Variants in IQCM observed in about 807,000 individuals in gnomAD.
IQCM encodes IQ domain-containing protein M.
IQCM carries 45 observed loss-of-function variants against 57.6 expected under a neutral mutation model. The observed-to-expected ratio is 0.78, with a 90% CI of 0.62 to 1.00. The LOEUF (loss-of-function observed/expected upper bound fraction) is 1.00. Among genes scored for constraint, IQCM ranks in the 50% least tolerant of loss-of-function variants. The pLI, the probability that IQCM is intolerant of heterozygous loss-of-function variation, is 0.00. For missense variants in IQCM, 468 were observed against 511.6 expected (o/e 0.91, Z 0.82); for synonymous variants, 148 against 158.9 (o/e 0.93, Z 0.51).
chr4:149,450,242 A>C (rs1258943465), intron 12 of IQCM, among the ~76,000 whole-genome samples: 1 of 151,888 alleles, frequency 6.6e-6, no homozygotes, highest in East Asian at 1.9e-4. Flanking sequence ...CTAAGACCTC[A>C]AACTGTGAAA....
At chr4:149,546,229 T>C (rs1476560198) in intron 12 of IQCM, among the ~76,000 whole-genome samples, 1 of 152,230 alleles carries the variant, frequency 6.6e-6, no homozygotes, top group Non-Finnish European at 1.5e-5. Context: ...GATGGACACT[T>C]GGGTTGCTTC....
At chr4:149,466,300 A>G (rs548198259) in intron 12 of IQCM, among the ~76,000 whole-genome samples, 15 of 152,300 alleles carry the variant, frequency 9.8e-5, no homozygotes, top group South Asian at 2.1e-4. Flanking sequence ...TTGGATCATA[A>G]TTGAGGTCTA....
At chr4:149,682,613 TG>T (rs1762260875) in intron 6 of IQCM, among the ~76,000 whole-genome samples, 1 of 150,674 alleles carries the variant, frequency 6.6e-6, no homozygotes, top group Admixed American at 6.6e-5. Context: ...CTTTGGAAAA[TG>T]TGAGTAAGAA....
chr4:149,557,010 T>C (rs1445335222), intron 10 of IQCM, among the ~76,000 whole-genome samples: 2 of 152,214 alleles, frequency 1.3e-5, no homozygotes, highest in Non-Finnish European at 2.9e-5. Context: ...AACTTTATCA[T>C]TAAATATAAA....
intron 12 of IQCM, among the ~76,000 whole-genome samples, chr4:149,527,990 T>G (rs1326812837): frequency 0.4 from 4 of 10 alleles, no homozygotes; most frequent in African/African-American, 0.4. Flanking sequence ...TGTTTTTTGT[T>G]TTTTTTTTTT....
chr4:149,477,895 A>T (rs1189423194), intron 12 of IQCM, among the ~76,000 whole-genome samples: 2 of 152,174 alleles, frequency 1.3e-5, no homozygotes, highest in South Asian at 4.1e-4. Context: ...GGTCTTGTAC[A>T]GGAAGGACTT....
At chr4:149,793,023 T>C (rs1008514711) in intron 2 of IQCM, among the ~76,000 whole-genome samples, 1 of 152,318 alleles carries the variant, frequency 6.6e-6, no homozygotes, top group Non-Finnish European at 1.5e-5. Context: ...CCTGTGACTT[T>C]GGAAAATTAA....
rs188488473 is a variant in IQCM, at chr4:149,379,846, C to A, written c.1391-27780G>T. 3.9e-5 allele frequency among the ~76,000 whole-genome samples: 6 copies of A among 152,226 alleles called. No homozygotes were observed. The East Asian group carries it at 1.2e-3, about 29-fold the overall frequency. The stretch of plus-strand genomic sequence containing the variant: ...ATCATAGGGTTTGCCTGTGTCCTCA[C>A]CCAAATCTCATCTTGAATTGTAGCT... On this transcript the variant is annotated intron_variant, in intron 13 of 13. Transcript: ENST00000636793.
chr4:149,678,481 A>G (rs980744662), intron 7 of IQCM, among the ~76,000 whole-genome samples: 6 of 151,836 alleles, frequency 4.0e-5, no homozygotes, highest in Non-Finnish European at 8.8e-5. Context: ...CAGACAAGCA[A>G]AAGTGGAGGT....
intron 13 of IQCM, among the ~76,000 whole-genome samples, chr4:149,399,875 T>C (rs1324609410): frequency 6.6e-6 from 1 of 152,102 alleles, no homozygotes; most frequent in Non-Finnish European, 1.5e-5. Flanking sequence ...TAAATTCTAA[T>C]TGTTATCCTT....
chr4:149,412,930 G>A lies in IQCM; in HGVS notation c.1390+20466C>T, dbSNP rs528703433. On this transcript the variant is annotated intron_variant, in intron 13 of 13. Coordinates refer to ENST00000636793, the MANE Select transcript of IQCM (RefSeq NM_001363507.2). ...GCAAGGAGGTAGGAGAGTGGTGGGT[G>A]ATGGAGTGGAGAGAAAGCTGCCAGG... Among the ~76,000 whole-genome samples the A allele has an allele frequency of 4.7e-4, 72 of 152,256 alleles. 1 individual carries two copies. In the South Asian group the frequency reaches 0.015, roughly 32 times the overall value.
intron 13 of IQCM, among the ~76,000 whole-genome samples, chr4:149,426,454 C>G (rs1253390983): frequency 1.3e-5 from 2 of 151,956 alleles, no homozygotes; most frequent in East Asian, 3.9e-4. Context: ...AAATTACCCC[C>G]AAACTAGAGG....
chr4:149,433,986 T>C (rs941310362), intron 12 of IQCM, among the ~76,000 whole-genome samples: 1 of 152,132 alleles, frequency 6.6e-6, no homozygotes, highest in Non-Finnish European at 1.5e-5. Flanking sequence ...TCCTAGGCTA[T>C]GGTTTTTAAG....
intron 2 of IQCM, among the ~76,000 whole-genome samples, chr4:149,769,525 A>G (rs1770367434): frequency 1.3e-5 from 2 of 151,968 alleles, no homozygotes; most frequent in Non-Finnish European, 2.9e-5. Flanking sequence ...CATAAAACCT[A>G]GAGCCCCAAA....
chr4:149,806,630 G>A (rs1383743991), intron 2 of IQCM, among the ~76,000 whole-genome samples: 1 of 151,892 alleles, frequency 6.6e-6, no homozygotes, highest in Non-Finnish European at 1.5e-5. Flanking sequence ...ACTTTTATAA[G>A]TAAGTCCCTG....
chr4:149,665,575 G>A (rs953152656), intron 7 of IQCM, among the ~76,000 whole-genome samples: 9 of 152,062 alleles, frequency 5.9e-5, no homozygotes, highest in Middle Eastern at 3.4e-3. Context: ...TTGTTGTTTC[G>A]GTCTCTCTTT....
At chr4:149,456,648 G>T (rs141342309) in intron 12 of IQCM, among the ~76,000 whole-genome samples, 310 of 152,144 alleles carry the variant, frequency 2.0e-3, no homozygotes, top group African/African-American at 7.2e-3. Context: ...TTTGGGAGCA[G>T]ATTTTGGATT....
chr4:149,596,523 A>C (rs184889256), intron 8 of IQCM, among the ~76,000 whole-genome samples: 187 of 152,228 alleles, frequency 1.2e-3, no homozygotes, highest in African/African-American at 4.3e-3. Context: ...AGGAAAGTCA[A>C]ATCTAAGAAA....
intron 12 of IQCM, among the ~76,000 whole-genome samples, chr4:149,500,100 A>G (rs1743086742): frequency 6.6e-6 from 1 of 152,204 alleles, no homozygotes; most frequent in African/African-American, 2.4e-5. Flanking sequence ...AATTTGTCCA[A>G]ATACAATTTG....
Sources: allele counts gnomAD v4.1 joint callset (sites outside exome capture counted in the v4.1 genomes callset), GRCh38; gene constraint gnomAD v4.1.1; transcripts MANE v1.5; gene names NCBI Gene and HGNC (gene_info 2026-07-23, HGNC 2026-07-21).